The following DEF8 variants were observed in gnomAD, a reference collection of about 807,000 sequenced individuals.
The protein encoded by DEF8 is DEF-8.
Under a neutral mutation model 59.1 loss-of-function variants are expected in DEF8, and 38 were observed. The ratio of observed to expected loss-of-function variants is 0.64; its 90% confidence interval spans 0.50 to 0.84. The LOEUF (loss-of-function observed/expected upper bound fraction) is 0.84, where lower values mean the gene tolerates loss of function less well. Among genes scored for constraint, DEF8 ranks in the 40% least tolerant of loss-of-function variants. The probability of loss-of-function intolerance (pLI) is 0.00; values close to 1 mark genes in which losing one functional copy is unlikely to be tolerated. For synonymous variants in DEF8, 265 were observed against 250.1 expected, an observed-to-expected ratio of 1.06 and a Z score of -0.56; for missense variants, 557 against 615.2, an observed-to-expected ratio of 0.91 and a Z score of 1.00.
At chr16:89,960,714 G>A (rs2033920680) in intron 6 of DEF8, among the ~76,000 whole-genome samples, 1 of 152,186 alleles carries the variant, frequency 6.6e-6, no homozygotes, top group Non-Finnish European at 1.5e-5. Flanking sequence ...TGTGAGTCAA[G>A]TTGGAGGACA....
In DEF8 at chr16:89,954,230, G is replaced by A; in HGVS notation, c.-10-13G>A. On this transcript the variant is annotated splice_polypyrimidine_tract_variant and intron_variant, in intron 2 of 12. Transcript: ENST00000563594. This position sits in a 1 kb window ranked among gnomAD's most constrained non-coding sequence, Gnocchi z 4.3. ...GTACCTGGGGACTCATCCTGGCCCT[G>A]CCTGGCCCTCAGGTGGGATGCTATG... 1 of 1,610,290 alleles carries A rather than the reference G, an allele frequency of 6.2e-7. No homozygotes were observed. The highest frequency in any genetic ancestry group is 8.5e-7 in the Non-Finnish European group (1 of 1,178,980).
intron 8 of DEF8, 63 bp from the exon 9 acceptor site, chr16:89,961,949 G>A (rs970547426): frequency 1.2e-6 from 2 of 1,606,948 alleles, no homozygotes; most frequent in Admixed American, 1.7e-5. Context: ...CCCCTGGTTG[G>A]GTGTTGCCCG....
intron 4 of DEF8, among the ~76,000 whole-genome samples, chr16:89,955,623 C>G (rs942539566): frequency 6.6e-5 from 10 of 152,152 alleles, no homozygotes; most frequent in African/African-American, 2.4e-4. Context: ...GTCCTGTACA[C>G]TTGCCGAGAG....
chr16:89,962,012 G>A lies in DEF8; in HGVS notation c.808G>A (p.Val270Ile). ...VHNWDFEPRK[V>I]SRCSMRYLAL... ...GGTGTCACCCGGCCGTGCCTGGCAG[G>A]TTTCTCGCTGCAGCATGCGCTACCT... Residue 270 changes from valine to isoleucine, a missense_variant and splice_region_variant, in exon 9 of 13, where the codon GTT (valine) becomes ATT (isoleucine). Val to Ile is a conservative substitution (Grantham distance 29, BLOSUM62 3). Transcript: ENST00000563594. 6.2e-7 allele frequency: 1 copy of A among 1,613,960 alleles called. No individual in the cohort carries two copies. The highest frequency in any genetic ancestry group is 1.7e-5 in the Admixed American group (1 of 60,034).
In DEF8 at chr16:89,949,412, TGCA is replaced by T; in HGVS notation, c.-107_-105del. 6.2e-7 allele frequency: 1 copy of T among 1,601,270 alleles called. No homozygotes were observed. The highest frequency in any genetic ancestry group is 2.2e-5 in the East Asian group (1 of 44,744). Reference sequence around the variant, plus strand: ...GCACAGTGCTGGGGTGGCTTCTCCCTGCAGCAGGTGCCGAACCCACGGCCAGGC... The same window carrying T: ...GCACAGTGCTGGGGTGGCTTCTCCCTGCAGGTGCCGAACCCACGGCCAGGC... On this transcript the variant is annotated splice_acceptor_variant and splice_polypyrimidine_tract_variant and intron_variant, in intron 1 of 12. Transcript: ENST00000563594. LOFTEE classifies it low-confidence loss of function (5UTR_SPLICE).
intron 9 of DEF8, among the ~76,000 whole-genome samples, chr16:89,962,712 C>A (rs2034191776): frequency 6.6e-6 from 1 of 152,234 alleles, no homozygotes; most frequent in South Asian, 2.1e-4. Flanking sequence ...TTTTATTTAG[C>A]CCAATATATC....
Position 89,955,217 on chromosome 16 carries a change from A to T in DEF8, c.173A>T (p.Glu58Val), listed in dbSNP as rs1022248052. ...GGGGAGCCGGAATTCCGCTGCCCTG[A>T]ACGCGTGATGGATCTCGGCCTGTCT... is the stretch of plus-strand genomic sequence containing the variant. ...PPGEPEFRCP[E>V]RVMDLGLSED... The change falls in exon 4 of 13, where the codon GAA becomes GTA. Residue 58 changes from glutamate to valine, a missense_variant. Coordinates refer to ENST00000563594, the MANE Select transcript of DEF8 (RefSeq NM_001242818.2). 5 of 1,613,454 alleles carry T rather than the reference A, an allele frequency of 3.1e-6. No homozygotes were observed. In the African/African-American group the frequency reaches 5.3e-5, roughly 17 times the overall value.
chr16:89,967,606 C>T lies in DEF8; in HGVS notation c.*1643C>T. The T allele has an allele frequency of 2.5e-6, 1 of 397,566 alleles. No individual in the cohort carries two copies. The highest frequency in any genetic ancestry group is 4.4e-6 in the Non-Finnish European group (1 of 225,914). The allele number at this position is 397,566 out of a possible 1,614,324, so 24.6% of individuals were successfully genotyped here. The stretch of plus-strand genomic sequence containing the variant: ...AGTGTGGGTTCCTGTCCTGTTTCCC[C>T]TTCCTCTTTGGGGCTGAGGAGGAGG... On this transcript the variant is annotated 3_prime_UTR_variant, in exon 13 of 13. Transcript: ENST00000563594.
chr16:89,959,903 G>T (rs1322199956), intron 6 of DEF8, among the ~76,000 whole-genome samples: 2 of 151,930 alleles, frequency 1.3e-5, no homozygotes, highest in Non-Finnish European at 2.9e-5. Context: ...GATGTGTCCA[G>T]TGCCTTAAGG....
chr16:89,964,486 CG>C lies in DEF8; in HGVS notation c.1165del (p.Val389CysfsTer48). The C allele has an allele frequency of 9.4e-6, 15 of 1,596,086 alleles. No individual in the cohort carries two copies. Among genetic ancestry groups the C allele is most frequent in the Non-Finnish European group, 1.2e-5 (14 of 1,171,734 alleles). ...DCERCQAKGFVCELCREGDVL... is the reference protein window; with the variant it reads ...DCERCQAKGFXCELCREGDVL... Reference sequence around the variant, plus strand: ...CCCAGCGGTGCCAGGCCAAGGGCTTCGTGTGTGAGCTCTGCAGAGAGGGCGA... The same window carrying C: ...CCCAGCGGTGCCAGGCCAAGGGCTTCTGTGTGAGCTCTGCAGAGAGGGCGA... On this transcript the variant is annotated frameshift_variant, in exon 12 of 13. Coordinates refer to ENST00000563594, the MANE Select transcript of DEF8 (RefSeq NM_001242818.2). LOFTEE classifies it high-confidence loss of function.
intron 2 of DEF8, among the ~76,000 whole-genome samples, chr16:89,953,628 C>T (rs1041778508): frequency 2.6e-5 from 4 of 152,194 alleles, no homozygotes; most frequent in African/African-American, 7.2e-5. Flanking sequence ...GGGAATCCTC[C>T]CAAGATCCCC....
In DEF8 at chr16:89,951,326, G is replaced by A. The variant is rs562178580; in HGVS notation, c.-11+1813G>A. Reference sequence around the variant, plus strand: ...AGCTGGAGTGCAGTGGCTCAATCTCGGCTCACCTCCTGGGTTCAAGCGATT... The same window carrying A: ...AGCTGGAGTGCAGTGGCTCAATCTCAGCTCACCTCCTGGGTTCAAGCGATT... On this transcript the variant is annotated intron_variant, in intron 2 of 12. Transcript: ENST00000563594. 7.9e-5 allele frequency among the ~76,000 whole-genome samples: 12 copies of A among 151,460 alleles called. No individual in the cohort carries two copies. The South Asian group carries it at 2.3e-3, about 29-fold the overall frequency.
At chr16:89,961,675 G>A in intron 7 of DEF8, 62 bp from the exon 8 acceptor site, 1 of 1,599,626 alleles carries the variant, frequency 6.3e-7, no homozygotes, top group Non-Finnish European at 8.5e-7. Flanking sequence ...AGACCATGAG[G>A]CTGGAAAGCT....
Position 89,967,498 on chromosome 16 carries a change from G to T in DEF8, c.*1535G>T. 1 of 398,650 alleles carries T rather than the reference G, an allele frequency of 2.5e-6. No homozygotes were observed. The highest frequency in any genetic ancestry group is 4.4e-6 in the Non-Finnish European group (1 of 226,098). The allele number at this position is 398,650 out of a possible 1,614,324, so 24.7% of individuals were successfully genotyped here. On this transcript the variant is annotated 3_prime_UTR_variant, in exon 13 of 13. Coordinates refer to ENST00000563594, the MANE Select transcript of DEF8 (RefSeq NM_001242818.2). ...TTCCCCATCTGGAAAATGGGGGCAG[G>T]GGTCCTGACCTACCTCAGGTGGAAC... is the stretch of plus-strand genomic sequence containing the variant.
Position 89,961,103 on chromosome 16 carries a change from G to A in DEF8, c.679+8G>A. Reference sequence around the variant, plus strand: ...GGGCGCCCATCTCTCTGCGTGAGTGGTGGCAGGGAGAGAAGAGGGTGAGGG... The same window carrying A: ...GGGCGCCCATCTCTCTGCGTGAGTGATGGCAGGGAGAGAAGAGGGTGAGGG... On this transcript the variant is annotated splice_region_variant and intron_variant, in intron 7 of 12. Coordinates refer to ENST00000563594, the MANE Select transcript of DEF8 (RefSeq NM_001242818.2). The A allele has an allele frequency of 6.2e-7, 1 of 1,606,718 alleles. No individual in the cohort carries two copies. The highest frequency in any genetic ancestry group is 8.5e-7 in the Non-Finnish European group (1 of 1,174,080).
intron 9 of DEF8, among the ~76,000 whole-genome samples, chr16:89,962,447 C>T (rs1389332251): frequency 6.6e-6 from 1 of 152,182 alleles, no homozygotes. Flanking sequence ...CACTTGAGGT[C>T]GGGAGTTTGA....
At position 89,961,719 on chromosome 16, in the gene DEF8, GC is replaced by G; in HGVS notation, c.680-14del. The G allele has an allele frequency of 6.2e-7, 1 of 1,612,158 alleles. No individual in the cohort carries two copies. Among genetic ancestry groups the G allele is most frequent in the Non-Finnish European group, 8.5e-7 (1 of 1,179,948 alleles). ...TTTTTGTGAGGCAGGGACACTCAGG[GC>G]CCCTCTGACCCTGCAGGGGGTGTGC... is the stretch of plus-strand genomic sequence containing the variant. On this transcript the variant is annotated splice_polypyrimidine_tract_variant and intron_variant, in intron 7 of 12. Coordinates refer to ENST00000563594, the MANE Select transcript of DEF8 (RefSeq NM_001242818.2).
At chr16:89,961,928 G>A in intron 8 of DEF8, 64 bp downstream of exon 8, 2 of 1,601,292 alleles carry the variant, frequency 1.2e-6, no homozygotes, top group Non-Finnish European at 1.7e-6. Flanking sequence ...TTGGGGTGTG[G>A]AGCCGGTGTA....
At position 89,954,856 on chromosome 16, in the gene DEF8, G is replaced by A. The variant is rs948415419; in HGVS notation, c.125-313G>A. Among the ~76,000 whole-genome samples the A allele has an allele frequency of 2.0e-5, 3 of 152,128 alleles. No homozygotes were observed. The highest frequency in any genetic ancestry group is 2.4e-5 in the African/African-American group (1 of 41,416). ...ATGCAGTGGTTTTTCTCTCGCCCCCGTGGTCACGCATGAGGTGTCCACCTT... is the reference window on the plus strand; with the variant it reads ...ATGCAGTGGTTTTTCTCTCGCCCCCATGGTCACGCATGAGGTGTCCACCTT... On this transcript the variant is annotated intron_variant, in intron 3 of 12. Coordinates refer to ENST00000563594, the MANE Select transcript of DEF8 (RefSeq NM_001242818.2). The surrounding 1 kb of genome is among the most constrained non-coding windows in gnomAD (Gnocchi z 4.3).
Sources: gnomAD v4.1 joint callset for allele counts (sites outside exome capture counted in the v4.1 genomes callset) on GRCh38, gnomAD v4.1.1 for gene constraint, Gnocchi (gnomAD v3.1) non-coding constraint, MANE v1.5 for transcripts, NCBI Gene and HGNC (gene_info 2026-07-23, HGNC 2026-07-21) for gene names.